Variants in DGKI observed in about 807,000 individuals in gnomAD.
DGKI encodes diacylglycerol kinase iota.
DGKI carries 55 observed loss-of-function variants against 147.5 expected under a neutral mutation model. The ratio of observed to expected loss-of-function variants is 0.37; its 90% confidence interval spans 0.30 to 0.47. DGKI has a LOEUF of 0.47. Ranked by LOEUF, DGKI falls within the 20% of genes least tolerant of loss-of-function variation. The pLI, the probability that DGKI is intolerant of heterozygous loss-of-function variation, is 1.00. For synonymous variants in DGKI, 469 were observed against 477.1 expected (o/e 0.98, Z 0.22); for missense variants, 1,007 against 1,323.8 (o/e 0.76, Z 3.71).
At chr7:137,611,380 T>C (rs553568687) in intron 8 of DGKI, among the ~76,000 whole-genome samples, 1 of 152,170 alleles carries the variant, frequency 6.6e-6, no homozygotes, top group Non-Finnish European at 1.5e-5. Context: ...CTTTCATCTG[T>C]TTGGGGTAAA....
At chr7:137,484,316 A>G (rs1053423147) in intron 23 of DGKI, among the ~76,000 whole-genome samples, 1 of 152,056 alleles carries the variant, frequency 6.6e-6, no homozygotes, top group African/African-American at 2.4e-5. Context: ...AAGGATGTTA[A>G]ATTGGAAATT....
intron 29 of DGKI, among the ~76,000 whole-genome samples, chr7:137,411,891 A>G (rs754763952): frequency 1.3e-5 from 2 of 152,204 alleles, no homozygotes; most frequent in Non-Finnish European, 2.9e-5. Flanking sequence ...CTGAAAGGAA[A>G]TCTTTAAATT....
At chr7:137,767,414 G>A (rs1374072457) in intron 1 of DGKI, among the ~76,000 whole-genome samples, 1 of 149,700 alleles carries the variant, frequency 6.7e-6, no homozygotes, top group Admixed American at 6.7e-5. Flanking sequence ...GAAAATTAGA[G>A]GATAAATTCA....
chr7:137,561,449 T>C (rs1260913164), intron 19 of DGKI, among the ~76,000 whole-genome samples: 1 of 152,098 alleles, frequency 6.6e-6, no homozygotes, highest in Non-Finnish European at 1.5e-5. Context: ...GGAAAAAACT[T>C]GTTAAAGGAT....
At chr7:137,819,050 G>T (rs1279894397) in intron 1 of DGKI, among the ~76,000 whole-genome samples, 1 of 152,064 alleles carries the variant, frequency 6.6e-6, no homozygotes, top group Non-Finnish European at 1.5e-5. Flanking sequence ...AAGGCTCTTC[G>T]ACAGATTAAG....
chr7:137,656,634 T>C, intron 3 of DGKI, 94 bp from the exon 4 acceptor site: 1 of 1,092,524 alleles, frequency 9.2e-7, no homozygotes. Context: ...AATAAATACA[T>C]AAATACAGCA....
At chr7:137,807,072 C>T (rs1797397506) in intron 1 of DGKI, among the ~76,000 whole-genome samples, 1 of 152,136 alleles carries the variant, frequency 6.6e-6, no homozygotes, top group Non-Finnish European at 1.5e-5. Context: ...AACAGCTTGC[C>T]ATATATGTCA....
intron 12 of DGKI, among the ~76,000 whole-genome samples, chr7:137,589,898 C>T (rs1359329147): frequency 2.6e-5 from 4 of 152,122 alleles, no homozygotes; most frequent in African/African-American, 9.7e-5. Flanking sequence ...TTCTTTCAGG[C>T]AGATTTAAAT....
intron 1 of DGKI, among the ~76,000 whole-genome samples, chr7:137,737,625 A>G (rs1337971806): frequency 1.3e-5 from 2 of 152,030 alleles, no homozygotes; most frequent in East Asian, 1.9e-4. Context: ...TATCAACCCA[A>G]ATTACATCTC....
chr7:137,673,315 G>A (rs975985483), intron 3 of DGKI, among the ~76,000 whole-genome samples: 1 of 152,114 alleles, frequency 6.6e-6, no homozygotes, highest in Non-Finnish European at 1.5e-5. Flanking sequence ...TTTTGGTCCT[G>A]ACACTCTGTT....
intron 6 of DGKI, among the ~76,000 whole-genome samples, chr7:137,631,428 T>A (rs1174991556): frequency 1.3e-5 from 2 of 152,206 alleles, no homozygotes. Context: ...CCCAGTAGTA[T>A]CTCAAATGAT....
At chr7:137,679,805 T>C (rs1167462344) in intron 2 of DGKI, among the ~76,000 whole-genome samples, 1 of 151,704 alleles carries the variant, frequency 6.6e-6, no homozygotes, top group Non-Finnish European at 1.5e-5. Context: ...CTGGCCAACA[T>C]GGTGAAACCT....
intron 1 of DGKI, among the ~76,000 whole-genome samples, chr7:137,709,848 A>C (rs910717756): frequency 3.9e-5 from 6 of 152,222 alleles, no homozygotes; most frequent in Non-Finnish European, 7.4e-5. Context: ...TAAAACTAAG[A>C]CTAAAGAAGA....
chr7:137,480,162 C>T (rs1328991473), intron 23 of DGKI, among the ~76,000 whole-genome samples: 3 of 152,168 alleles, frequency 2.0e-5, no homozygotes, highest in Admixed American at 2.0e-4. Flanking sequence ...TCGTAAGAGA[C>T]AACAGACCTG....
chr7:137,554,154 T>C (rs139295358), intron 19 of DGKI, among the ~76,000 whole-genome samples: 296 of 152,344 alleles, frequency 1.9e-3, no homozygotes, highest in African/African-American at 6.5e-3. Flanking sequence ...GAGGAAGTAC[T>C]GTAATTAGCT....
At chr7:137,658,001 C>T (rs1013020073) in intron 3 of DGKI, among the ~76,000 whole-genome samples, 2 of 152,314 alleles carry the variant, frequency 1.3e-5, no homozygotes, top group African/African-American at 4.8e-5. Context: ...CTTTATTCTG[C>T]TTGCAGATGC....
At chr7:137,469,443 G>T in intron 24 of DGKI, 107 bp downstream of exon 24, 1 of 1,132,986 alleles carries the variant, frequency 8.8e-7, no homozygotes, top group Admixed American at 1.8e-5. Flanking sequence ...GTCACATGAA[G>T]GCTTTCTGAA....
chr7:137,803,335 A>G (rs1206824216), intron 1 of DGKI, among the ~76,000 whole-genome samples: 2 of 152,228 alleles, frequency 1.3e-5, no homozygotes, highest in African/African-American at 4.8e-5. Flanking sequence ...GACAAATTAC[A>G]GGTCAGTAAC....
intron 20 of DGKI, among the ~76,000 whole-genome samples, chr7:137,544,368 C>G (rs187527412): frequency 6.6e-6 from 1 of 152,098 alleles, no homozygotes; most frequent in African/African-American, 2.4e-5. Context: ...GAATTTTACT[C>G]CAGCCACAAC....
Sources: allele counts gnomAD v4.1 joint callset (sites outside exome capture counted in the v4.1 genomes callset), GRCh38; gene constraint gnomAD v4.1.1; transcripts MANE v1.5; gene names NCBI Gene and HGNC (gene_info 2026-07-23, HGNC 2026-07-21).